NRG1: variants seen among roughly 807,000 people sequenced by gnomAD.
NRG1 encodes neuregulin 1.
A neutral mutation model predicts 63.8 loss-of-function variants in NRG1; 18 were observed. The ratio of observed to expected loss-of-function variants is 0.28; its 90% confidence interval spans 0.19 to 0.42. The LOEUF is 0.42. Among genes scored for constraint, NRG1 ranks in the 10% least tolerant of loss-of-function variants. The probability of loss-of-function intolerance (pLI) is 1.00; values close to 1 mark genes in which losing one functional copy is unlikely to be tolerated. For synonymous variants in NRG1, 302 were observed against 301.3 expected (o/e 1.00, Z -0.02); for missense variants, 762 against 814.7 (o/e 0.94, Z 0.79).
chr8:32,605,459 G>T (rs1363737623), intron 2 of NRG1, 103 bp from the exon 3 acceptor site: 1 of 1,302,776 alleles, frequency 7.7e-7, no homozygotes, highest in Non-Finnish European at 1.1e-6. Flanking sequence ...GTATAAGGTG[G>T]GGAGAGGCAG....
At chr8:32,336,632 C>T (rs536181331) in intron 1 of NRG1, among the ~76,000 whole-genome samples, 93 of 152,118 alleles carry the variant, frequency 6.1e-4, no homozygotes, top group Non-Finnish European at 1.2e-3. Flanking sequence ...GTTTTTGAGA[C>T]AAAGTCTTGC....
At chr8:32,379,720 G>A (rs1003264935) in intron 1 of NRG1, among the ~76,000 whole-genome samples, 4 of 152,144 alleles carry the variant, frequency 2.6e-5, no homozygotes, top group African/African-American at 9.7e-5. Context: ...GGAAATTCAG[G>A]TTATGAGAGG....
intron 1 of NRG1, among the ~76,000 whole-genome samples, chr8:32,258,651 C>G (rs55815900): frequency 0.046 from 6,930 of 152,188 alleles, 239 homozygotes; most frequent in South Asian, 0.092. Context: ...GAGGAACTGT[C>G]AAACACTTAT....
At chr8:31,819,268 A>G (rs1356199251) in intron 1 of NRG1, among the ~76,000 whole-genome samples, 1 of 152,192 alleles carries the variant, frequency 6.6e-6, no homozygotes. Context: ...GGAAAGAATT[A>G]TTTGGTGATT....
intron 5 of NRG1, chr8:32,647,118 T>C (rs1263251401): frequency 1.0e-6 from 1 of 985,232 alleles, no homozygotes; most frequent in African/African-American, 1.7e-5. Flanking sequence ...TCTGATCCTG[T>C]TTGCAGTGAT....
chr8:32,525,131 G>A (rs1408053029), intron 1 of NRG1, among the ~76,000 whole-genome samples: 1 of 152,168 alleles, frequency 6.6e-6, no homozygotes, highest in South Asian at 2.1e-4. Context: ...TGGGCACTTG[G>A]GAGACTGTTT....
chr8:32,220,266 GCTTAGAGGCT>G (rs1323704082), intron 1 of NRG1, among the ~76,000 whole-genome samples: 1 of 152,138 alleles, frequency 6.6e-6, no homozygotes, highest in African/African-American at 2.4e-5. Flanking sequence ...GACTTGGCTT[GCTTAGAGGCT>G]CTTGCTCAGG....
intron 1 of NRG1, among the ~76,000 whole-genome samples, chr8:31,764,819 A>G (rs978771350): frequency 2.0e-5 from 3 of 151,580 alleles, no homozygotes; most frequent in Non-Finnish European, 1.5e-5. Flanking sequence ...TACATGTGCC[A>G]TGCTGGTGCA....
At chr8:32,415,542 A>G (rs1262667770) in intron 1 of NRG1, among the ~76,000 whole-genome samples, 1 of 151,502 alleles carries the variant, frequency 6.6e-6, no homozygotes, top group Non-Finnish European at 1.5e-5. Context: ...CATTATGTTT[A>G]TTATATGAAG....
chr8:32,680,477 G>A (rs10109194), intron 5 of NRG1, among the ~76,000 whole-genome samples: 1 of 152,058 alleles, frequency 6.6e-6, no homozygotes, highest in African/African-American at 2.4e-5. Flanking sequence ...GTTTATTGAG[G>A]CATGATCCAG....
chr8:32,469,265 A>AG (rs1823472051), intron 1 of NRG1, among the ~76,000 whole-genome samples: 1 of 152,236 alleles, frequency 6.6e-6, no homozygotes, highest in Non-Finnish European at 1.5e-5. Context: ...TAGTACATGT[A>AG]CAGCAGAAGG....
chr8:32,068,612 C>T (rs1825262467), intron 1 of NRG1, among the ~76,000 whole-genome samples: 1 of 152,096 alleles, frequency 6.6e-6, no homozygotes, highest in African/African-American at 2.4e-5. Flanking sequence ...CCAAGAGTTC[C>T]AATCTGTGCA....
At chr8:32,423,063 G>T (rs1006364485) in intron 1 of NRG1, among the ~76,000 whole-genome samples, 3 of 152,148 alleles carry the variant, frequency 2.0e-5, no homozygotes, top group African/African-American at 4.8e-5. Context: ...AGATTGTTCT[G>T]GTCCAAACCC....
chr8:32,133,785 G>A (rs998395764), intron 1 of NRG1, among the ~76,000 whole-genome samples: 1 of 152,040 alleles, frequency 6.6e-6, no homozygotes, highest in Admixed American at 6.6e-5. Flanking sequence ...GCTATTAAAA[G>A]TTTTTCTCAA....
chr8:32,440,445 C>T (rs1001151450), intron 1 of NRG1, among the ~76,000 whole-genome samples: 8 of 152,072 alleles, frequency 5.3e-5, no homozygotes, highest in African/African-American at 1.7e-4. Flanking sequence ...AGGTGTGAGC[C>T]AGTACACCCA....
chr8:32,236,545 G>C (rs917795133), intron 1 of NRG1, among the ~76,000 whole-genome samples: 1 of 152,076 alleles, frequency 6.6e-6, no homozygotes, highest in Non-Finnish European at 1.5e-5. Context: ...CCATGAATTG[G>C]AGTCTGGATA....
chr8:32,447,840 C>A (rs1260403234), intron 1 of NRG1, among the ~76,000 whole-genome samples: 2 of 145,312 alleles, frequency 1.4e-5, no homozygotes, highest in Admixed American at 7.3e-5. Context: ...CAAAGCCAAA[C>A]CCTGTGTCAA....
In NRG1 at chr8:31,796,741, G is replaced by T. The variant is rs530411986; in HGVS notation, c.37+157310G>T. On this transcript the variant is annotated intron_variant, in intron 1 of 10. Coordinates refer to the NRG1 transcript ENST00000519301. ...CGTGAGCCACTGCGCCCGGCCAGAA[G>T]GTGGAGTGCTATTCTTAACTGTCCT... is the stretch of plus-strand genomic sequence containing the variant. 2.0e-5 allele frequency among the ~76,000 whole-genome samples: 3 copies of T among 152,140 alleles called. No individual in the cohort carries two copies. The South Asian group carries it at 6.2e-4, about 32-fold the overall frequency.
intron 1 of NRG1, among the ~76,000 whole-genome samples, chr8:31,788,030 T>C (rs1481909554): frequency 6.6e-6 from 1 of 152,122 alleles, no homozygotes; most frequent in Non-Finnish European, 1.5e-5. Context: ...CACAGAGATT[T>C]TAGGGAACTT....
Sources: gnomAD v4.1 joint callset for allele counts (sites outside exome capture counted in the v4.1 genomes callset) on GRCh38, gnomAD v4.1.1 for gene constraint, MANE v1.5 for transcripts, NCBI Gene and HGNC (gene_info 2026-07-23, HGNC 2026-07-21) for gene names.